The following GLRA2 variants were observed in gnomAD, a reference collection of about 807,000 sequenced individuals.
GLRA2 encodes the protein glycine receptor subunit alpha-2.
GLRA2 carries 11 observed loss-of-function variants against 31.6 expected under a neutral mutation model. The ratio of observed to expected loss-of-function variants is 0.35; its 90% confidence interval spans 0.22 to 0.58. The LOEUF (loss-of-function observed/expected upper bound fraction) is 0.58, where lower values mean the gene tolerates loss of function less well. GLRA2 is among the 20% of genes least tolerant of loss of function. The pLI, the probability that GLRA2 is intolerant of heterozygous loss-of-function variation, is 0.84. For missense variants in GLRA2, 212 were observed against 351.8 expected (o/e 0.60, Z 3.18); for synonymous variants, 132 against 134.0 (o/e 0.99, Z 0.10).
intron 2 of GLRA2, among the ~76,000 whole-genome samples, chrX:14,571,058 C>A (rs1308582236): frequency 9.1e-6 from 1 of 110,005 alleles, no homozygotes; most frequent in East Asian, 2.9e-4. Flanking sequence ...AAGGGGGGAG[C>A]AGGAAGAAGA....
the GLRA2 span, among the ~76,000 whole-genome samples, chrX:14,466,019 T>G: frequency 8.9e-6 from 1 of 112,013 alleles, no homozygotes. Flanking sequence ...TATCAATGCT[T>G]ATTGTTTTAT....
At chrX:14,579,964 C>A (rs2038327904) in intron 3 of GLRA2, among the ~76,000 whole-genome samples, 1 of 112,178 alleles carries the variant, frequency 8.9e-6, no homozygotes, top group African/African-American at 3.2e-5. Flanking sequence ...ACACCCTAAT[C>A]TTTACAACTT....
At chrX:14,601,864 T>G (rs757212255) in intron 4 of GLRA2, among the ~76,000 whole-genome samples, 1 of 111,497 alleles carries the variant, frequency 9.0e-6, no homozygotes, top group Non-Finnish European at 1.9e-5. Context: ...AGGGAGAGTT[T>G]AGGCAACAGT....
intron 7 of GLRA2, among the ~76,000 whole-genome samples, chrX:14,660,810 G>C (rs2090983505): frequency 8.9e-6 from 1 of 112,098 alleles, no homozygotes. Flanking sequence ...GCGCCTACTT[G>C]ACCATGAGAA....
At chrX:14,532,216 A>G (rs1259299782) in intron 1 of GLRA2, 23 bp from the exon 2 acceptor site, 1 of 1,078,781 alleles carries the variant, frequency 9.3e-7, no homozygotes, top group Non-Finnish European at 1.2e-6. Context: ...AATTGTTGCT[A>G]AAAGAGTTAA....
At chrX:14,584,418 C>T (rs1403982021) in intron 4 of GLRA2, among the ~76,000 whole-genome samples, 7 of 111,535 alleles carry the variant, frequency 6.3e-5, no homozygotes, top group African/African-American at 2.3e-4. Context: ...AAAAAGTAAA[C>T]AGCTAGTCTC....
At chrX:14,509,006 T>C in the GLRA2 span, among the ~76,000 whole-genome samples, 1 of 111,794 alleles carries the variant, frequency 8.9e-6, no homozygotes, top group Admixed American at 9.5e-5. Context: ...TCACTGAGGC[T>C]GTGTTACCCC....
the GLRA2 span, among the ~76,000 whole-genome samples, chrX:14,517,700 A>G: frequency 3.6e-5 from 4 of 111,719 alleles, 1 homozygote; most frequent in South Asian, 1.1e-3. Context: ...AACCATATCA[A>G]AGATCATATA....
At chrX:14,686,224 A>C (rs749600140) in intron 7 of GLRA2, among the ~76,000 whole-genome samples, 1 of 111,593 alleles carries the variant, frequency 9.0e-6, no homozygotes, top group East Asian at 2.8e-4. Flanking sequence ...GGAGTGCTTT[A>C]CTTCCAACTA....
At chrX:14,575,387 A>G (rs1379279761) in intron 3 of GLRA2, among the ~76,000 whole-genome samples, 1 of 109,950 alleles carries the variant, frequency 9.1e-6, no homozygotes, top group East Asian at 2.9e-4. Context: ...TTTTGTAGAG[A>G]CAGGGTTTCA....
At chrX:14,476,495 C>A in the GLRA2 span, among the ~76,000 whole-genome samples, 9 of 111,609 alleles carry the variant, frequency 8.1e-5, no homozygotes, top group Non-Finnish European at 1.3e-4. Context: ...CAAGTCCCAG[C>A]CTAGCGGTGC....
In GLRA2 at chrX:14,701,877, C is replaced by T. The variant is rs918980031; in HGVS notation, c.1080+11018C>T. Among the ~76,000 whole-genome samples, 6 of 112,097 alleles carry T rather than the reference C, an allele frequency of 5.4e-5. 1 individual carries two copies. Among genetic ancestry groups the T allele is most frequent in the Non-Finnish European group, 9.4e-5 (5 of 53,261 alleles). On this transcript the variant is annotated intron_variant, in intron 8 of 8. Transcript: ENST00000218075. The stretch of plus-strand genomic sequence containing the variant: ...AAGAAAACTTGTATCAACTAGTGTC[C>T]TTTTTGTGTTGTTTTGTTTACTGGG...
the GLRA2 span, among the ~76,000 whole-genome samples, chrX:14,486,107 A>G: frequency 9.0e-6 from 1 of 111,685 alleles, no homozygotes; most frequent in African/African-American, 3.3e-5. Context: ...TTGTGCCCAC[A>G]TATACATGAA....
chrX:14,668,336 A>G (rs1030011248), intron 7 of GLRA2, among the ~76,000 whole-genome samples: 2 of 112,234 alleles, frequency 1.8e-5, no homozygotes. Flanking sequence ...TTTGTTAGAA[A>G]CAAGTCAGTA....
At chrX:14,673,548 A>T (rs917356119) in intron 7 of GLRA2, among the ~76,000 whole-genome samples, 2 of 111,555 alleles carry the variant, frequency 1.8e-5, no homozygotes, top group Non-Finnish European at 3.8e-5. Context: ...CCACTATAGG[A>T]GGCATAGGCA....
intron 2 of GLRA2, among the ~76,000 whole-genome samples, chrX:14,559,721 TTTTG>T (rs752247720): frequency 9.1e-6 from 1 of 109,816 alleles, no homozygotes; most frequent in East Asian, 2.9e-4. Context: ...ACCCAGCTTT[TTTTG>T]TTTGTTTGTT....
At chrX:14,672,105 C>T (rs1389750533) in intron 7 of GLRA2, among the ~76,000 whole-genome samples, 2 of 112,200 alleles carry the variant, frequency 1.8e-5, no homozygotes, top group African/African-American at 6.5e-5. Context: ...GTGTGAGACC[C>T]CAAATCGTGA....
chrX:14,520,819 G>C, the GLRA2 span, among the ~76,000 whole-genome samples: 1 of 112,668 alleles, frequency 8.9e-6, no homozygotes, highest in African/African-American at 3.2e-5. Flanking sequence ...AAGTGTTCTT[G>C]CTCTATGGAC....
chrX:14,610,117 GTGTACAT>G (rs1371457180), intron 7 of GLRA2, among the ~76,000 whole-genome samples: 2 of 112,150 alleles, frequency 1.8e-5, no homozygotes, highest in Non-Finnish European at 3.8e-5. Context: ...TTAGGATTCA[GTGTACAT>G]TGTCTCATAC....
Sources: gnomAD v4.1 joint callset for allele counts (sites outside exome capture counted in the v4.1 genomes callset) on GRCh38, gnomAD v4.1.1 for gene constraint, MANE v1.5 for transcripts, NCBI Gene and HGNC (gene_info 2026-07-23, HGNC 2026-07-21) for gene names.